The following CILK1 variants were observed in gnomAD, a reference collection of about 807,000 sequenced individuals.
The protein encoded by CILK1 is ciliogenesis associated kinase 1.
CILK1 carries 47 observed loss-of-function variants against 79.2 expected under a neutral mutation model. The observed-to-expected ratio is 0.59, with a 90% CI of 0.47 to 0.76. CILK1 has a LOEUF of 0.76. CILK1 is among the 30% of genes least tolerant of loss of function. The probability of loss-of-function intolerance (pLI) is 0.00; values close to 1 mark genes in which losing one functional copy is unlikely to be tolerated. For missense variants in CILK1, 660 were observed against 769.5 expected, an observed-to-expected ratio of 0.86 and a Z score of 1.68; for synonymous variants, 266 against 275.9, an observed-to-expected ratio of 0.96 and a Z score of 0.36.
chr6:53,059,134 C>T (rs1768196794), intron 1 of CILK1, among the ~76,000 whole-genome samples: 1 of 152,154 alleles, frequency 6.6e-6, no homozygotes, highest in Non-Finnish European at 1.5e-5. Flanking sequence ...TGTTAAGTTA[C>T]TGTCAAGGGA....
intron 7 of CILK1, among the ~76,000 whole-genome samples, chr6:53,017,977 T>C (rs1221150975): frequency 6.6e-6 from 1 of 152,158 alleles, no homozygotes; most frequent in African/African-American, 2.4e-5. Flanking sequence ...TAGAGCGTTG[T>C]AAACATGTGA....
chr6:53,052,530 A>G (rs1038379549), intron 1 of CILK1, among the ~76,000 whole-genome samples: 2 of 152,142 alleles, frequency 1.3e-5, no homozygotes, highest in African/African-American at 4.8e-5. Context: ...CAGGAGTTCG[A>G]GATCAGCCTG....
chr6:53,045,320 CTTT>C (rs1195899511), intron 1 of CILK1, among the ~76,000 whole-genome samples: 4 of 152,166 alleles, frequency 2.6e-5, no homozygotes, highest in East Asian at 1.9e-4. Context: ...CCTTTTTCTT[CTTT>C]ATCTTCAACT....
chr6:53,028,002 C>T (rs534191507), intron 5 of CILK1, among the ~76,000 whole-genome samples: 1 of 152,282 alleles, frequency 6.6e-6, no homozygotes, highest in South Asian at 2.1e-4. Context: ...AAAAAATTAG[C>T]CGGGTGTGGT....
In CILK1 at chr6:53,001,478, A is replaced by G. The variant is rs1369736135; in HGVS notation, c.*3671T>C. 2 of 152,586 alleles carry G rather than the reference A, an allele frequency of 1.3e-5. No individual in the cohort carries two copies. Among genetic ancestry groups the G allele is most frequent in the African/African-American group, 4.8e-5 (2 of 41,466 alleles). The allele number at this position is 152,586 out of a possible 1,614,324, so 9.5% of individuals were successfully genotyped here. A position where few individuals can be genotyped will look rare whatever the true frequency, so the allele number is the denominator to read the frequency against. ...TATTATGAATATGTGCTTTATAAAT[A>G]AATATATTGTCGGTTACTCCATTGT... On this transcript the variant is annotated 3_prime_UTR_variant, in exon 14 of 14. Coordinates refer to ENST00000676107, the MANE Select transcript of CILK1 (RefSeq NM_014920.5).
intron 1 of CILK1, among the ~76,000 whole-genome samples, chr6:53,050,225 G>A (rs1306709661): frequency 6.6e-6 from 1 of 151,934 alleles, no homozygotes; most frequent in Non-Finnish European, 1.5e-5. Context: ...CTGAGTATAT[G>A]ACATTAGCAT....
At position 53,010,617 on chromosome 6, in the gene CILK1, C is replaced by A. The variant is rs1279135841; in HGVS notation, c.1493-1050G>T. 2.0e-5 allele frequency among the ~76,000 whole-genome samples: 3 copies of A among 152,218 alleles called. No homozygotes were observed. The East Asian group carries it at 5.8e-4, about 29-fold the overall frequency. On this transcript the variant is annotated intron_variant, in intron 11 of 13. Transcript: ENST00000676107. Reference sequence around the variant, plus strand: ...ACACTGGCTTCTGCCATTCCTCTCACAGGACAAGCCCTCTCCTGCCTCTAG... The same window carrying A: ...ACACTGGCTTCTGCCATTCCTCTCAAAGGACAAGCCCTCTCCTGCCTCTAG...
chr6:53,017,562 T>C (rs541162964), intron 7 of CILK1, among the ~76,000 whole-genome samples: 2 of 152,298 alleles, frequency 1.3e-5, no homozygotes, highest in African/African-American at 4.8e-5. Flanking sequence ...AATACTTTTA[T>C]GAGGGGAAGT....
intron 9 of CILK1, 45 bp downstream of exon 9, chr6:53,013,617 G>T: frequency 6.5e-7 from 1 of 1,548,330 alleles, no homozygotes; most frequent in South Asian, 1.1e-5. Context: ...GGTCAGAAGA[G>T]GAATAAACAG....
intron 8 of CILK1, 60 bp from the exon 9 acceptor site, chr6:53,014,042 G>T: frequency 1.6e-6 from 2 of 1,278,502 alleles, no homozygotes; most frequent in Non-Finnish European, 2.3e-6. Context: ...CCACTGTCTT[G>T]ATTACTGGGC....
At chr6:53,010,445 G>A (rs1028185897) in intron 11 of CILK1, among the ~76,000 whole-genome samples, 11 of 152,194 alleles carry the variant, frequency 7.2e-5, no homozygotes, top group Admixed American at 3.9e-4. Flanking sequence ...TCAGCACACA[G>A]GTGTTGATAC....
At chr6:53,024,044 A>C (rs1392853429) in intron 5 of CILK1, among the ~76,000 whole-genome samples, 1 of 152,176 alleles carries the variant, frequency 6.6e-6, no homozygotes, top group Non-Finnish European at 1.5e-5. Context: ...GAGATCAAAA[A>C]AGTTTGACAT....
rs1421190160 is a variant in CILK1 at position 53,031,068 on chromosome 6, G to T, written c.355C>A (p.His119Asn). 1 of 1,589,846 alleles carries T rather than the reference G, an allele frequency of 6.3e-7. No homozygotes were observed. Residue 119 changes from histidine (H) to asparagine (N), a missense_variant, in exon 5 of 14, where the codon CAC becomes AAC. Transcript: ENST00000676107. Reference sequence around the variant, plus strand: ...CACAACACTCCGAATCACCTACCGTGTTTGTGAATAAATGCGAGTCCTTGT... The same window carrying T: ...CACAACACTCCGAATCACCTACCGTTTTTGTGAATAAATGCGAGTCCTTGT... The part of the protein sequence containing the change: ...ILQGLAFIHK[H>N]GFFHRDLKPE...
At chr6:53,016,331 TG>T in intron 7 of CILK1, 81 bp from the exon 8 acceptor site, 1 of 1,417,394 alleles carries the variant, frequency 7.1e-7, no homozygotes, top group Non-Finnish European at 1.0e-6. Context: ...GTGCCCCAAA[TG>T]GAAAGGCAAC....
At chr6:53,027,175 T>C (rs767421013) in intron 5 of CILK1, among the ~76,000 whole-genome samples, 41 of 152,318 alleles carry the variant, frequency 2.7e-4, no homozygotes, top group Non-Finnish European at 4.7e-4. Flanking sequence ...AGAAAGGCAA[T>C]GGACTATCTC....
intron 5 of CILK1, among the ~76,000 whole-genome samples, chr6:53,028,552 T>C (rs185562797): frequency 6.6e-6 from 1 of 152,292 alleles, no homozygotes; most frequent in East Asian, 1.9e-4. Flanking sequence ...ACCTGATAAA[T>C]TGGCAAGGAA....
intron 3 of CILK1, among the ~76,000 whole-genome samples, chr6:53,035,144 T>G (rs990435925): frequency 5.3e-5 from 8 of 152,064 alleles, no homozygotes; most frequent in African/African-American, 1.4e-4. Context: ...GATGCCTGAC[T>G]TGATGAGGTT....
At chr6:53,054,227 G>A (rs73443373) in intron 1 of CILK1, among the ~76,000 whole-genome samples, 10,677 of 151,946 alleles carry the variant, frequency 0.07, 956 homozygotes, top group African/African-American at 0.2. Flanking sequence ...ATATAGACCC[G>A]AGAATGGTCC....
intron 13 of CILK1, 131 bp from the exon 14 acceptor site, chr6:53,005,434 A>G: frequency 1.0e-6 from 1 of 993,292 alleles, no homozygotes. Flanking sequence ...TCCTACTTAT[A>G]ATCTTCTCTA....
Sources: gnomAD v4.1 joint callset for allele counts (sites outside exome capture counted in the v4.1 genomes callset) on GRCh38, gnomAD v4.1.1 for gene constraint, MANE v1.5 for transcripts, NCBI Gene and HGNC (gene_info 2026-07-23, HGNC 2026-07-21) for gene names.